The following ABCG8 variants were observed in gnomAD, a reference collection of about 807,000 sequenced individuals.
ABCG8 encodes the protein ATP-binding cassette sub-family G member 8.
A neutral mutation model predicts 71.3 loss-of-function variants in ABCG8; 81 were observed. That is an observed-to-expected ratio of 1.14 (90% confidence interval 0.95 to 1.37). The LOEUF is 1.37. Ranked by LOEUF, ABCG8 falls within the 40% of genes most tolerant of loss-of-function variation. The probability of loss-of-function intolerance (pLI) is 0.00; values close to 1 mark genes in which losing one functional copy is unlikely to be tolerated. For missense variants in ABCG8, 1,119 were observed against 866.2 expected, an observed-to-expected ratio of 1.29 and a Z score of -3.66; for synonymous variants, 451 against 354.7, an observed-to-expected ratio of 1.27 and a Z score of -3.05.
chr2:43,867,823 C>G (rs887288539), intron 6 of ABCG8, among the ~76,000 whole-genome samples: 2 of 151,726 alleles, frequency 1.3e-5, no homozygotes, highest in Non-Finnish European at 1.5e-5. Flanking sequence ...AGAATTCTCA[C>G]TCTCTAGATA....
chr2:43,846,297 T>C lies in ABCG8; in HGVS notation c.308T>C (p.Ile103Thr), dbSNP rs1407428130. ...GTGAGAAGTGGGCAGATGCTGGCCA[T>C]CATAGGGAGCTCAGGTACCGGAAAG... ...FKVRSGQMLAIIGSSGCGRAS... is the reference protein window; with the variant it reads ...FKVRSGQMLATIGSSGCGRAS... The change falls in exon 3 of 13, where the codon ATC becomes ACC. Residue 103 changes from isoleucine to threonine, a missense_variant. By Grantham distance (89) the Ile-to-Thr change is moderately conservative (BLOSUM62 -1). Coordinates refer to ENST00000272286, the MANE Select transcript of ABCG8 (RefSeq NM_022437.3). The C allele has an allele frequency of 2.5e-6, 4 of 1,614,062 alleles. No individual in the cohort carries two copies.
At chr2:43,840,166 C>A (rs777388471) in intron 1 of ABCG8, among the ~76,000 whole-genome samples, 4 of 152,112 alleles carry the variant, frequency 2.6e-5, no homozygotes, top group African/African-American at 9.7e-5. Flanking sequence ...CAAGCATGAT[C>A]GAGGATTCCA....
At chr2:43,849,556 G>A (rs1447604043) in intron 3 of ABCG8, among the ~76,000 whole-genome samples, 2 of 152,118 alleles carry the variant, frequency 1.3e-5, no homozygotes, top group South Asian at 2.1e-4. Flanking sequence ...TTCGGGTGGG[G>A]ACACAGAGCC....
chr2:43,839,262 T>A (rs2104902286), intron 1 of ABCG8, 146 bp downstream of exon 1: 1 of 903,250 alleles, frequency 1.1e-6, no homozygotes, highest in Non-Finnish European at 1.7e-6. Context: ...GTTTCCTGCA[T>A]GTCAAAGGGC....
chr2:43,882,613 T>C lies in ABCG8; in HGVS notation c.*4700T>C, dbSNP rs1179673986. 6.6e-6 allele frequency: 1 copy of C among 152,266 alleles called. No individual in the cohort carries two copies. Among genetic ancestry groups the C allele is most frequent in the East Asian group, 1.9e-4 (1 of 5,200 alleles). 9.4% of individuals were successfully genotyped at this position (152,266 alleles called of 1,614,324 possible). A position where few individuals can be genotyped will look rare whatever the true frequency, so the allele number is the denominator to read the frequency against. ...TTTCAAGTCATCTGTCATTCGTACT[T>C]GATAATGATTTGTTCTTCATTTAAA... On this transcript the variant is annotated 3_prime_UTR_variant, in exon 13 of 13. Transcript: ENST00000272286.
At chr2:43,862,693 C>G (rs559175054) in intron 6 of ABCG8, among the ~76,000 whole-genome samples, 4 of 151,080 alleles carry the variant, frequency 2.6e-5, no homozygotes, top group Admixed American at 2.6e-4. Flanking sequence ...CTGGATAGAA[C>G]TCTCACTATC....
Position 43,875,424 on chromosome 2 carries a change from C to T in ABCG8, c.1756+11C>T, listed in dbSNP as rs377040014. On this transcript the variant is annotated intron_variant, in intron 11 of 12. Coordinates refer to ENST00000272286, the MANE Select transcript of ABCG8 (RefSeq NM_022437.3). ...GCAGCCTGTGGACAGGTAAGGCCTG[C>T]CCCCGGGGCCTGGGCCAGCTTTGTT... 3.7e-6 allele frequency: 6 copies of T among 1,609,932 alleles called. No individual in the cohort carries two copies. Among genetic ancestry groups the T allele is most frequent in the East Asian group, 2.2e-5 (1 of 44,788 alleles).
intron 3 of ABCG8, among the ~76,000 whole-genome samples, chr2:43,850,033 C>A (rs1487826807): frequency 6.6e-6 from 1 of 152,028 alleles, no homozygotes; most frequent in South Asian, 2.1e-4. Context: ...AACCCCGTCG[C>A]TGCTAAAAAT....
At chr2:43,865,041 A>T (rs1484860749) in intron 6 of ABCG8, among the ~76,000 whole-genome samples, 1 of 151,976 alleles carries the variant, frequency 6.6e-6, no homozygotes, top group East Asian at 1.9e-4. Context: ...TCTGGATAGA[A>T]TTCTCACTCT....
intron 1 of ABCG8, 148 bp from the exon 2 acceptor site, chr2:43,844,359 T>G (rs1017737372): frequency 1.9e-5 from 13 of 681,876 alleles, no homozygotes; most frequent in South Asian, 1.6e-4. Context: ...GCCCTGAGGT[T>G]CCACCTGTGC....
chr2:43,851,939 A>AGG, intron 4 of ABCG8, 117 bp downstream of exon 4: 1 of 1,211,240 alleles, frequency 8.3e-7, no homozygotes, highest in Non-Finnish European at 1.2e-6. Context: ...TGAACAACTC[A>AGG]GCTTGCCTTC....
In ABCG8 at chr2:43,880,830, A is replaced by T. The variant is rs564061620; in HGVS notation, c.*2917A>T. The T allele has an allele frequency of 6.6e-6, 1 of 152,276 alleles. No individual in the cohort carries two copies. The highest frequency in any genetic ancestry group is 2.1e-4 in the South Asian group (1 of 4,832). The allele number at this position is 152,276 out of a possible 1,614,324, so 9.4% of individuals were successfully genotyped here. On this transcript the variant is annotated 3_prime_UTR_variant, in exon 13 of 13. Coordinates refer to ENST00000272286, the MANE Select transcript of ABCG8 (RefSeq NM_022437.3). ...TACCCTTAGGTTATTTACTCATTTG[A>T]TTAACCGCCTGCAGGTAAGTAATCT...
intron 6 of ABCG8, among the ~76,000 whole-genome samples, chr2:43,871,075 ACTAT>A (rs1382168173): frequency 7.2e-6 from 1 of 139,666 alleles, no homozygotes; most frequent in African/African-American, 2.7e-5. Context: ...TAGAACTCTC[ACTAT>A]CTGTCTGGAT....
rs535007617 is a variant in ABCG8, at chr2:43,857,823, G to A, written c.964+4955G>A. ...CGTTAGAACTCTCACTACCTGTCTA[G>A]ATACAATTTTCACCATCCATGAACA... On this transcript the variant is annotated intron_variant, in intron 6 of 12. Coordinates refer to ENST00000272286, the MANE Select transcript of ABCG8 (RefSeq NM_022437.3). 2.0e-5 allele frequency among the ~76,000 whole-genome samples: 3 copies of A among 151,724 alleles called. No individual in the cohort carries two copies. In the South Asian group the frequency reaches 6.2e-4, roughly 31 times the overall value.
At chr2:43,877,736 C>A (rs1295075684) in intron 12 of ABCG8, 40 bp from the exon 13 acceptor site, 1 of 1,614,120 alleles carries the variant, frequency 6.2e-7, no homozygotes, top group Non-Finnish European at 8.5e-7. Flanking sequence ...GTCCGGCTTT[C>A]CATCCTCCTC....
intron 1 of ABCG8, among the ~76,000 whole-genome samples, chr2:43,841,441 A>G (rs1022239836): frequency 6.6e-6 from 1 of 152,224 alleles, no homozygotes; most frequent in African/African-American, 2.4e-5. Context: ...AAGTATTTGA[A>G]AAATACAGAG....
At position 43,872,048 on chromosome 2, in the gene ABCG8, C is replaced by T; in HGVS notation, c.1037C>T (p.Ala346Val). 2 of 1,614,118 alleles carry T rather than the reference C, an allele frequency of 1.2e-6. No individual in the cohort carries two copies. The highest frequency in any genetic ancestry group is 1.1e-5 in the South Asian group (1 of 91,086). Residue 346 changes from alanine to valine, a missense_variant, in exon 7 of 13, where the codon GCA becomes GTA. By Grantham distance (64) the Ala-to-Val change is moderately conservative. Transcript: ENST00000272286. The stretch of plus-strand genomic sequence containing the variant: ...ACCAGGGAGAAGGCTCAGTCACTCG[C>T]AGCCCTGTTTCTAGAAAAAGTGCGT... Reference protein sequence around the residue: ...LATREKAQSLAALFLEKVRDL... With the variant: ...LATREKAQSLVALFLEKVRDL...
intron 6 of ABCG8, 105 bp downstream of exon 6, chr2:43,852,973 G>A: frequency 6.9e-7 from 1 of 1,451,058 alleles, no homozygotes; most frequent in East Asian, 2.3e-5. Context: ...AACTCCCAGA[G>A]GTTTCAGGAG....
intron 6 of ABCG8, among the ~76,000 whole-genome samples, chr2:43,858,522 A>G (rs1360749735): frequency 3.3e-5 from 5 of 151,604 alleles, no homozygotes; most frequent in African/African-American, 1.2e-4. Flanking sequence ...ATCTATCTCG[A>G]TAGAATTCTC....
Sources: allele counts gnomAD v4.1 joint callset (sites outside exome capture counted in the v4.1 genomes callset), GRCh38; gene constraint gnomAD v4.1.1; transcripts MANE v1.5; gene names NCBI Gene and HGNC (gene_info 2026-07-23, HGNC 2026-07-21).